Variants in SRGAP2 observed in about 807,000 individuals in gnomAD.
SRGAP2 encodes SLIT-ROBO Rho GTPase activating protein 2, also known as SLIT-ROBO Rho GTPase-activating protein 2.
In SRGAP2, 15 loss-of-function variants were observed where a neutral mutation model predicts 57.2. That is an observed-to-expected ratio of 0.26 (90% CI 0.18 to 0.40). The LOEUF is 0.40. Ranked by LOEUF, SRGAP2 falls within the 10% of genes least tolerant of loss-of-function variation. The pLI is 1.00. For missense variants in SRGAP2, 520 were observed against 669.6 expected, an observed-to-expected ratio of 0.78 and a Z score of 2.47; for synonymous variants, 249 against 248.0, an observed-to-expected ratio of 1.00 and a Z score of -0.04.
At chr1:206,437,875 A>G (rs1553370572) in intron 15 of SRGAP2, 89 bp from the exon 16 acceptor site, 1 of 749,990 alleles carries the variant, frequency 1.3e-6, no homozygotes, top group Non-Finnish European at 2.5e-6. Flanking sequence ...GGACCAGGAC[A>G]TGCATGGTTC....
chr1:206,379,080 A>ACT (rs1655489737), intron 4 of SRGAP2, among the ~76,000 whole-genome samples: 2 of 151,974 alleles, frequency 1.3e-5, no homozygotes, highest in Admixed American at 1.3e-4. Flanking sequence ...TAAGGTCCTA[A>ACT]CTGGAGTTCA....
At chr1:206,370,799 G>A (rs1169880738) in intron 4 of SRGAP2, among the ~76,000 whole-genome samples, 1 of 152,200 alleles carries the variant, frequency 6.6e-6, no homozygotes, top group Non-Finnish European at 1.5e-5. Flanking sequence ...TACAAAAAAT[G>A]CAGTAACTAA....
At chr1:206,239,675 C>G (rs1668089666) in intron 2 of SRGAP2, among the ~76,000 whole-genome samples, 1 of 148,034 alleles carries the variant, frequency 6.8e-6, no homozygotes. Flanking sequence ...CCAGGCTGGT[C>G]TTCAACTCCC....
rs797028546 is a variant in SRGAP2 at position 206,415,448 on chromosome 1, G to A, written c.1357-441G>A. Among the ~76,000 whole-genome samples, 24 of 152,320 alleles carry A rather than the reference G, an allele frequency of 1.6e-4. 1 individual carries two copies. The highest frequency in any genetic ancestry group is 5.8e-4 in the African/African-American group (24 of 41,576). On this transcript the variant is annotated intron_variant, in intron 10 of 22. Coordinates refer to ENST00000573034, the MANE Select transcript of SRGAP2 (RefSeq NM_015326.5). ...GGCTTGCAGCTGAGGCAGGGACTGAGCCTGCCATTGGCACTGCTCCTGGTG... is the reference window on the plus strand; with the variant it reads ...GGCTTGCAGCTGAGGCAGGGACTGAACCTGCCATTGGCACTGCTCCTGGTG...
At chr1:206,456,485 A>G (rs1558455938) in intron 21 of SRGAP2, among the ~76,000 whole-genome samples, 1 of 152,236 alleles carries the variant, frequency 6.6e-6, no homozygotes, top group African/African-American at 2.4e-5. Context: ...ATTAACTCAG[A>G]AACCAAGGCG....
At chr1:206,338,255 G>A (rs1302480937) in intron 3 of SRGAP2, among the ~76,000 whole-genome samples, 1 of 43,610 alleles carries the variant, frequency 2.3e-5, no homozygotes, top group African/African-American at 9.4e-5. Context: ...CATTCCTAAG[G>A]GATGCAGACC....
chr1:206,449,286 ATTT>A (rs35698284), intron 18 of SRGAP2, among the ~76,000 whole-genome samples: 9 of 110,700 alleles, frequency 8.1e-5, no homozygotes, highest in Middle Eastern at 4.5e-3. Context: ...ACACTGGATG[ATTT>A]TTTTTTTTTT....
intron 14 of SRGAP2, among the ~76,000 whole-genome samples, chr1:206,435,987 A>G (rs1661708036): frequency 6.6e-6 from 1 of 152,198 alleles, no homozygotes; most frequent in African/African-American, 2.4e-5. Flanking sequence ...ATGTCTGGCA[A>G]TACTATCTGT....
intron 2 of SRGAP2, among the ~76,000 whole-genome samples, chr1:206,290,832 C>A (rs1332542434): frequency 1.3e-5 from 2 of 151,720 alleles, no homozygotes; most frequent in Non-Finnish European, 2.9e-5. Flanking sequence ...CCCAAGGTCA[C>A]ACATAGCTAG....
intron 17 of SRGAP2, among the ~76,000 whole-genome samples, chr1:206,440,791 C>T (rs1033364468): frequency 6.6e-6 from 1 of 152,182 alleles, no homozygotes; most frequent in Non-Finnish European, 1.5e-5. Flanking sequence ...GTGATGTGCC[C>T]ACCTCAGCCT....
rs782544525 is a variant in SRGAP2 at position 206,342,858 on chromosome 1, T to C, written c.273T>C (p.Asn91=). 1.4e-6 allele frequency: 1 copy of C among 696,764 alleles called. No individual in the cohort carries two copies. The highest frequency in any genetic ancestry group is 1.6e-5 in the South Asian group (1 of 62,944). 43.2% of individuals were successfully genotyped at this position (696,764 alleles called of 1,614,324 possible). The change falls in exon 4 of 23, where the codon AAT becomes AAC. Residue 91 remains asparagine (N), a synonymous_variant. Coordinates refer to ENST00000573034, the MANE Select transcript of SRGAP2 (RefSeq NM_015326.5). ...TKDQQFKKDQ[N]VLSPVNCWNL... is the part of the protein sequence containing the mutation. ...TGTTTCTTCACAGGAAGGATCAGAA[T>C]GTTCTCTCTCCAGTCAACTGCTGGA...
chr1:206,365,333 TG>T (rs1653883693), intron 4 of SRGAP2, among the ~76,000 whole-genome samples: 1 of 151,886 alleles, frequency 6.6e-6, no homozygotes, highest in African/African-American at 2.4e-5. Context: ...GGAGTCTTAC[TG>T]GGTTTCTGAA....
intron 5 of SRGAP2, among the ~76,000 whole-genome samples, chr1:206,386,614 G>A (rs78939469): frequency 0.25 from 28,648 of 116,764 alleles, 3,698 homozygotes; most frequent in South Asian, 0.32. Flanking sequence ...TGGCTAACAC[G>A]GTGAAACCCT....
In SRGAP2 at chr1:206,283,610, A is replaced by C. The variant is rs1481412259; in HGVS notation, c.68-19671A>C. Reference sequence around the variant, plus strand: ...AGAATTGCTTGAACCCAGGAGGCAGAGGCCGCAGTGAGCCGAGATCATGCC... The same window carrying C: ...AGAATTGCTTGAACCCAGGAGGCAGCGGCCGCAGTGAGCCGAGATCATGCC... On this transcript the variant is annotated intron_variant, in intron 2 of 22. Transcript: ENST00000573034. Among the ~76,000 whole-genome samples the C allele has an allele frequency of 5.9e-5, 9 of 151,422 alleles. 1 individual carries two copies. Among genetic ancestry groups the C allele is most frequent in the African/African-American group, 2.2e-4 (9 of 41,256 alleles).
intron 7 of SRGAP2, among the ~76,000 whole-genome samples, chr1:206,398,977 AT>A (rs1373015009): frequency 6.6e-6 from 1 of 152,080 alleles, no homozygotes; most frequent in African/African-American, 2.4e-5. Context: ...CTATATTAGT[AT>A]TTTTTTAAAG....
chr1:206,314,197 C>T (rs1249147893), intron 3 of SRGAP2, among the ~76,000 whole-genome samples: 2 of 150,198 alleles, frequency 1.3e-5, no homozygotes, highest in African/African-American at 2.5e-5. Context: ...TGCAATGGCA[C>T]GATCTCAGCT....
intron 16 of SRGAP2, 149 bp from the exon 17 acceptor site, chr1:206,439,827 G>A (rs1662108261): frequency 3.2e-6 from 2 of 620,536 alleles, no homozygotes; most frequent in East Asian, 5.5e-5. Flanking sequence ...GGAGCAACAG[G>A]GATGACACTC....
rs868943577 is a variant in SRGAP2, at chr1:206,386,549, G to A, written c.486+2473G>A. On this transcript the variant is annotated intron_variant, in intron 5 of 22. Coordinates refer to ENST00000573034, the MANE Select transcript of SRGAP2 (RefSeq NM_015326.5). ...AGCCAGGCTCATGCCTGTAATCCCA[G>A]CACTTTGGGAGGCTGAGGCAGGCAG... Among the ~76,000 whole-genome samples the A allele has an allele frequency of 1.6e-4, 22 of 136,154 alleles. No homozygotes were observed. In the South Asian group the frequency reaches 5.8e-3, roughly 36 times the overall value. The allele number at this position is 136,154 out of a possible 152,430, so 89.3% of individuals were successfully genotyped here. A position where few individuals can be genotyped will look rare whatever the true frequency, so the allele number is the denominator to read the frequency against.
intron 2 of SRGAP2, among the ~76,000 whole-genome samples, chr1:206,302,605 T>G (rs1671937157): frequency 6.6e-6 from 1 of 152,268 alleles, no homozygotes; most frequent in Non-Finnish European, 1.5e-5. Flanking sequence ...TATTGGAAAC[T>G]GTGAAATCTG....
Sources: gnomAD v4.1 joint callset for allele counts (sites outside exome capture counted in the v4.1 genomes callset) on GRCh38, gnomAD v4.1.1 for gene constraint, MANE v1.5 for transcripts, NCBI Gene and HGNC (gene_info 2026-07-23, HGNC 2026-07-21) for gene names.